CDH12: variants seen among roughly 807,000 people sequenced by gnomAD.
The protein encoded by CDH12 is cadherin 12, also known as cadherin-12.
CDH12 carries 41 observed loss-of-function variants against 74.1 expected under a neutral mutation model. That is an observed-to-expected ratio of 0.55 (90% CI 0.43 to 0.72). The LOEUF is 0.72. Ranked by LOEUF, CDH12 falls within the 30% of genes least tolerant of loss-of-function variation. The pLI is 0.00. For synonymous variants in CDH12, 399 were observed against 355.0 expected, an observed-to-expected ratio of 1.12 and a Z score of -1.39; for missense variants, 945 against 977.2, an observed-to-expected ratio of 0.97 and a Z score of 0.44.
chr5:22,562,114 G>A (rs2126751195), intron 1 of CDH12, among the ~76,000 whole-genome samples: 1 of 152,190 alleles, frequency 6.6e-6, no homozygotes, highest in South Asian at 2.1e-4. Flanking sequence ...TCAGGAGATC[G>A]AGACCATCCC....
intron 1 of CDH12, among the ~76,000 whole-genome samples, chr5:22,745,501 A>G (rs2127025176): frequency 6.6e-6 from 1 of 152,322 alleles, no homozygotes; most frequent in Non-Finnish European, 1.5e-5. Flanking sequence ...ACAATAGCAA[A>G]GTCACTAAGT....
chr5:22,466,776 C>CTTTTTTTTTTTTTTTTTTT (rs70959733), intron 2 of CDH12, among the ~76,000 whole-genome samples: 1 of 50,968 alleles, frequency 2.0e-5, no homozygotes, highest in African/African-American at 8.6e-5. Context: ...CCTCAGGAAT[C>CTTTTTTTTTTTTTTTTTTT]TTTTTTTTTT....
At chr5:21,902,747 T>C (rs897731005) in intron 6 of CDH12, among the ~76,000 whole-genome samples, 14 of 152,132 alleles carry the variant, frequency 9.2e-5, no homozygotes, top group Non-Finnish European at 1.8e-4. Flanking sequence ...ACTTTAATTT[T>C]GTTCAATTTT....
intron 12 of CDH12, among the ~76,000 whole-genome samples, chr5:21,762,789 G>A (rs577239028): frequency 6.6e-6 from 1 of 151,468 alleles, no homozygotes; most frequent in African/African-American, 2.4e-5. Flanking sequence ...TATTCCCAAA[G>A]GCTTCCATTT....
Position 22,726,411 on chromosome 5 carries a change from C to G in CDH12, c.-523+126647G>C, listed in dbSNP as rs185209927. On this transcript the variant is annotated intron_variant, in intron 1 of 14. Coordinates refer to ENST00000382254, the MANE Select transcript of CDH12 (RefSeq NM_004061.5). The stretch of plus-strand genomic sequence containing the variant: ...TTAGTGCTAAATAATAATTCATCGT[C>G]TAGATGTATTTTTATCTATTCATTC... Among the ~76,000 whole-genome samples the G allele has an allele frequency of 1.8e-4, 27 of 151,758 alleles. No homozygotes were observed. The East Asian group carries it at 4.3e-3, about 24-fold the overall frequency.
intron 6 of CDH12, among the ~76,000 whole-genome samples, chr5:21,880,596 CTT>C (rs1752235981): frequency 1.4e-4 from 7 of 51,412 alleles, no homozygotes; most frequent in African/African-American, 4.7e-4. Flanking sequence ...TCCTTCCTTC[CTT>C]CCTTCCTTCC....
At chr5:22,587,144 G>A (rs1378971345) in intron 1 of CDH12, among the ~76,000 whole-genome samples, 1 of 152,002 alleles carries the variant, frequency 6.6e-6, no homozygotes, top group Non-Finnish European at 1.5e-5. Context: ...CCTAGAAGTG[G>A]ACTTTTAAGA....
At chr5:22,468,469 A>G (rs575273624) in intron 2 of CDH12, among the ~76,000 whole-genome samples, 4 of 152,336 alleles carry the variant, frequency 2.6e-5, no homozygotes, top group South Asian at 4.1e-4. Flanking sequence ...CACTCCTTAA[A>G]TACAATATTC....
chr5:22,446,732 A>AT (rs1744828984), intron 2 of CDH12, among the ~76,000 whole-genome samples: 1 of 152,068 alleles, frequency 6.6e-6, no homozygotes, highest in African/African-American at 2.4e-5. Context: ...CAGATTATAT[A>AT]TTTTTCAAAG....
At position 22,086,437 on chromosome 5, in the gene CDH12, C is replaced by T. The variant is rs114029722; in HGVS notation, c.-186-7575G>A. ...TCGTCTCATTCCAGCCTCCGCCTCC[C>T]GGGTTTAAACAATTCTCTGCCTCAG... On this transcript the variant is annotated intron_variant, in intron 4 of 14. Coordinates refer to ENST00000382254, the MANE Select transcript of CDH12 (RefSeq NM_004061.5). Among the ~76,000 whole-genome samples, 874 of 152,122 alleles carry T rather than the reference C, an allele frequency of 5.7e-3. 8 individuals carry two copies. The highest frequency in any genetic ancestry group is 0.02 in the African/African-American group (836 of 41,514).
intron 1 of CDH12, among the ~76,000 whole-genome samples, chr5:22,751,145 G>C (rs990384536): frequency 6.6e-6 from 1 of 151,648 alleles, no homozygotes. Context: ...AAAAATAAAT[G>C]GTTTAATTTG....
intron 4 of CDH12, among the ~76,000 whole-genome samples, chr5:22,177,924 CAT>C (rs1344986105): frequency 2.0e-5 from 3 of 152,128 alleles, no homozygotes; most frequent in Non-Finnish European, 4.4e-5. Context: ...TAATTCCAAT[CAT>C]AAAATAACAT....
intron 3 of CDH12, among the ~76,000 whole-genome samples, chr5:22,384,548 A>G (rs920738952): frequency 3.3e-5 from 5 of 150,444 alleles, no homozygotes; most frequent in East Asian, 3.9e-4. Context: ...AAAGAAAAAG[A>G]AAAAGAAAAG....
At chr5:22,046,241 A>G (rs1266497025) in intron 5 of CDH12, among the ~76,000 whole-genome samples, 1 of 152,154 alleles carries the variant, frequency 6.6e-6, no homozygotes, top group African/African-American at 2.4e-5. Context: ...CATATTACCA[A>G]TTTAATTAAA....
chr5:22,519,123 C>A (rs1736936692), intron 1 of CDH12, among the ~76,000 whole-genome samples: 1 of 152,088 alleles, frequency 6.6e-6, no homozygotes, highest in Admixed American at 6.5e-5. Flanking sequence ...GATTGGGGTG[C>A]CCTTTTCTCA....
chr5:22,082,645 C>G (rs1475062792), intron 4 of CDH12, among the ~76,000 whole-genome samples: 1 of 152,148 alleles, frequency 6.6e-6, no homozygotes, highest in African/African-American at 2.4e-5. Context: ...GAAAATGACG[C>G]AGGATAAGGG....
At chr5:21,976,500 T>C (rs955787426) in intron 5 of CDH12, among the ~76,000 whole-genome samples, 25 of 150,396 alleles carry the variant, frequency 1.7e-4, no homozygotes, top group African/African-American at 5.6e-4. Context: ...AATTTTCTAG[T>C]AGTATATATT....
intron 1 of CDH12, among the ~76,000 whole-genome samples, chr5:22,712,085 C>T (rs1309302342): frequency 2.6e-5 from 4 of 151,940 alleles, no homozygotes; most frequent in Non-Finnish European, 5.9e-5. Flanking sequence ...CAGTGTAGCA[C>T]ACACAGTAAA....
At chr5:22,238,651 T>G (rs1018322333) in intron 3 of CDH12, among the ~76,000 whole-genome samples, 2 of 152,206 alleles carry the variant, frequency 1.3e-5, no homozygotes, top group African/African-American at 4.8e-5. Context: ...TTATCCAACA[T>G]GTGTTGAGAA....
Sources: allele counts gnomAD v4.1 joint callset (sites outside exome capture counted in the v4.1 genomes callset), GRCh38; gene constraint gnomAD v4.1.1; transcripts MANE v1.5; gene names NCBI Gene and HGNC (gene_info 2026-07-23, HGNC 2026-07-21).